Variants in MTUS2 observed in about 807,000 individuals in gnomAD.
MTUS2 encodes microtubule associated scaffold protein 2.
In MTUS2, 40 loss-of-function variants were observed where a neutral mutation model predicts 114.1. That is an observed-to-expected ratio of 0.35 (90% CI 0.27 to 0.46). The LOEUF (loss-of-function observed/expected upper bound fraction) is 0.46. MTUS2 is among the 20% of genes least tolerant of loss of function. MTUS2 has a pLI of 1.00. For missense variants in MTUS2, 1,679 were observed against 1,705.4 expected (o/e 0.98, Z 0.27); for synonymous variants, 688 against 672.0 (o/e 1.02, Z -0.37).
chr13:28,981,909 C>T (rs1026881715), intron 2 of MTUS2, among the ~76,000 whole-genome samples: 5 of 152,158 alleles, frequency 3.3e-5, no homozygotes, highest in African/African-American at 1.2e-4. Flanking sequence ...TATCTGGTTC[C>T]GTTTCACCTG....
At chr13:29,073,560 G>C (rs1565993743) in intron 4 of MTUS2, among the ~76,000 whole-genome samples, 1 of 151,944 alleles carries the variant, frequency 6.6e-6, no homozygotes, top group Non-Finnish European at 1.5e-5. Flanking sequence ...GGGGTGGGGG[G>C]TTACCCTTTA....
chr13:28,831,101 A>G (rs975101674), intron 1 of MTUS2, among the ~76,000 whole-genome samples: 4 of 152,328 alleles, frequency 2.6e-5, no homozygotes, highest in African/African-American at 9.6e-5. Flanking sequence ...CAGTAAAGGT[A>G]ATTATATAGG....
chr13:29,105,457 C>T (rs1890616524), intron 5 of MTUS2, among the ~76,000 whole-genome samples: 1 of 152,052 alleles, frequency 6.6e-6, no homozygotes, highest in Admixed American at 6.5e-5. Context: ...ACTGGGTGCC[C>T]AAGAAACAGA....
At chr13:29,456,446 A>T (rs1239810991) in intron 9 of MTUS2, among the ~76,000 whole-genome samples, 2 of 152,234 alleles carry the variant, frequency 1.3e-5, no homozygotes, top group Non-Finnish European at 2.9e-5. Context: ...TACTTGAAGA[A>T]ATAATGGGCA....
chr13:29,041,329 A>G (rs9550434), intron 4 of MTUS2, among the ~76,000 whole-genome samples: 6,737 of 152,248 alleles, frequency 0.044, 256 homozygotes, highest in East Asian at 0.11. Context: ...TACCAGCACC[A>G]TACTGTTTTG....
intron 2 of MTUS2, among the ~76,000 whole-genome samples, chr13:28,938,304 C>T (rs1882023007): frequency 2.0e-5 from 3 of 151,902 alleles, no homozygotes; most frequent in Admixed American, 2.0e-4. Context: ...ATCACTTGAA[C>T]CCAGAGGTGG....
intron 4 of MTUS2, among the ~76,000 whole-genome samples, chr13:29,037,977 A>G (rs1282234934): frequency 2.0e-5 from 3 of 152,132 alleles, no homozygotes; most frequent in Non-Finnish European, 4.4e-5. Context: ...AGCTCAGAAG[A>G]GTTGGTTGTT....
intron 5 of MTUS2, among the ~76,000 whole-genome samples, chr13:29,175,145 G>A (rs191553710): frequency 6.6e-6 from 1 of 152,086 alleles, no homozygotes; most frequent in Admixed American, 6.5e-5. Context: ...TTACAAGCTG[G>A]AAGTAATTTA....
intron 15 of MTUS2, among the ~76,000 whole-genome samples, chr13:29,501,662 G>A (rs1246695732): frequency 6.6e-6 from 1 of 152,182 alleles, no homozygotes; most frequent in African/African-American, 2.4e-5. Context: ...ACAATGCGGG[G>A]ATAAAGCAGG....
At chr13:29,204,570 G>T (rs12863498) in intron 5 of MTUS2, among the ~76,000 whole-genome samples, 22,653 of 152,222 alleles carry the variant, frequency 0.15, 1,879 homozygotes, top group East Asian at 0.31. Context: ...ACTTCCCATT[G>T]AGATAGATGA....
chr13:29,005,238 A>T (rs1417154968), intron 2 of MTUS2, among the ~76,000 whole-genome samples: 1 of 152,172 alleles, frequency 6.6e-6, no homozygotes, highest in Non-Finnish European at 1.5e-5. Flanking sequence ...AGCCACCAGC[A>T]TTATGGTCGA....
chr13:29,368,572 A>C (rs775992531), intron 8 of MTUS2, among the ~76,000 whole-genome samples: 3 of 152,222 alleles, frequency 2.0e-5, no homozygotes, highest in African/African-American at 4.8e-5. Context: ...TTAAACATTC[A>C]ATGCATGTAT....
intron 11 of MTUS2, among the ~76,000 whole-genome samples, chr13:29,491,210 G>T (rs374597313): frequency 4.2e-5 from 1 of 23,654 alleles, no homozygotes; most frequent in African/African-American, 6.4e-5. Context: ...GGGGGTGTGG[G>T]TATGTTATGT....
intron 5 of MTUS2, among the ~76,000 whole-genome samples, chr13:29,146,862 G>A (rs1892456847): frequency 6.6e-6 from 1 of 152,180 alleles, no homozygotes; most frequent in Non-Finnish European, 1.5e-5. Context: ...TTTATTTAGA[G>A]TGCCTAGGAT....
chr13:29,420,913 C>G (rs1200573985), intron 8 of MTUS2, among the ~76,000 whole-genome samples: 11 of 152,128 alleles, frequency 7.2e-5, no homozygotes, highest in Admixed American at 7.2e-4. Flanking sequence ...CAAAAACTAA[C>G]AGACAGGGAA....
At chr13:28,982,044 T>C (rs567447075) in intron 2 of MTUS2, among the ~76,000 whole-genome samples, 6 of 152,336 alleles carry the variant, frequency 3.9e-5, no homozygotes, top group African/African-American at 1.4e-4. Flanking sequence ...CAATCTTGGC[T>C]GTGACAGAGG....
intron 9 of MTUS2, among the ~76,000 whole-genome samples, chr13:29,441,773 G>T (rs1027006650): frequency 1.3e-5 from 2 of 152,064 alleles, no homozygotes; most frequent in Non-Finnish European, 2.9e-5. Context: ...TGCACACATT[G>T]TACATGTGTG....
intron 2 of MTUS2, among the ~76,000 whole-genome samples, chr13:28,871,068 G>A (rs764339430): frequency 9.2e-5 from 14 of 152,138 alleles, no homozygotes; most frequent in Non-Finnish European, 2.9e-5. Flanking sequence ...TGTTTATTAA[G>A]CACCCTCAAT....
At chr13:29,037,027 T>G (rs1346533069) in intron 4 of MTUS2, among the ~76,000 whole-genome samples, 3 of 152,212 alleles carry the variant, frequency 2.0e-5, no homozygotes, top group African/African-American at 7.2e-5. Context: ...TTAATATTGT[T>G]ATGTGTGAAT....
Sources: allele counts gnomAD v4.1 joint callset (sites outside exome capture counted in the v4.1 genomes callset), GRCh38; gene constraint gnomAD v4.1.1; transcripts MANE v1.5; gene names NCBI Gene and HGNC (gene_info 2026-07-23, HGNC 2026-07-21).